The following SORCS2 variants were observed in gnomAD, a reference collection of about 807,000 sequenced individuals.
SORCS2 encodes the protein sortilin related VPS10 domain containing receptor 2.
In SORCS2, 100 loss-of-function variants were observed where a neutral mutation model predicts 141.6. The observed-to-expected ratio is 0.71, with a 90% CI of 0.60 to 0.83. SORCS2 has a LOEUF of 0.83. Among genes scored for constraint, SORCS2 ranks in the 40% least tolerant of loss-of-function variants. The probability of loss-of-function intolerance (pLI) is 0.00; values close to 1 mark genes in which losing one functional copy is unlikely to be tolerated. For missense variants in SORCS2, 1,646 were observed against 1,560.2 expected (o/e 1.05, Z -0.93); for synonymous variants, 789 against 676.9 (o/e 1.17, Z -2.57).
chr4:7,216,916 G>A (rs1728386524), intron 1 of SORCS2, among the ~76,000 whole-genome samples: 1 of 152,226 alleles, frequency 6.6e-6, no homozygotes, highest in South Asian at 2.1e-4. Flanking sequence ...CAGAAGCGGA[G>A]TGACTCTTCC....
chr4:7,523,396 C>G (rs1056835942), intron 2 of SORCS2, among the ~76,000 whole-genome samples: 2 of 152,172 alleles, frequency 1.3e-5, no homozygotes, highest in Admixed American at 1.3e-4. Context: ...CAGAGCACCT[C>G]CAAAGGAATC....
chr4:7,624,366 T>C (rs1174464221), intron 3 of SORCS2, among the ~76,000 whole-genome samples: 1 of 152,244 alleles, frequency 6.6e-6, no homozygotes, highest in East Asian at 1.9e-4. Context: ...CCTTGTCTCA[T>C]GTTTTGGCTT....
At chr4:7,407,407 A>C (rs13145868) in intron 2 of SORCS2, among the ~76,000 whole-genome samples, 2 of 152,114 alleles carry the variant, frequency 1.3e-5, no homozygotes, top group South Asian at 2.1e-4. Context: ...CTCATGGTGC[A>C]TTGACCCCTT....
intron 2 of SORCS2, among the ~76,000 whole-genome samples, chr4:7,476,103 G>A (rs1477689902): frequency 6.6e-6 from 1 of 152,192 alleles, no homozygotes; most frequent in Non-Finnish European, 1.5e-5. Context: ...ACAGGCTGGT[G>A]GGCTCAGCCA....
At chr4:7,684,446 C>T (rs1028879165) in intron 10 of SORCS2, among the ~76,000 whole-genome samples, 7 of 152,138 alleles carry the variant, frequency 4.6e-5, no homozygotes, top group African/African-American at 1.7e-4. Context: ...CCCTTTTCCT[C>T]ATCCAGCAAG....
intron 1 of SORCS2, among the ~76,000 whole-genome samples, chr4:7,325,770 C>A (rs962538701): frequency 2.0e-5 from 3 of 152,300 alleles, no homozygotes; most frequent in African/African-American, 4.8e-5. Flanking sequence ...ACCTTCCCTC[C>A]CCCCACGCCC....
chr4:7,345,479 G>A (rs1001440984), intron 1 of SORCS2, among the ~76,000 whole-genome samples: 42 of 152,240 alleles, frequency 2.8e-4, no homozygotes, highest in African/African-American at 9.6e-4. Context: ...GGGGTCTCCT[G>A]GCTTCCTCTC....
chr4:7,579,462 G>A (rs1344920930), intron 3 of SORCS2, among the ~76,000 whole-genome samples: 1 of 152,140 alleles, frequency 6.6e-6, no homozygotes, highest in Non-Finnish European at 1.5e-5. Context: ...GAGGCTCAGA[G>A]AACTGATTCT....
chr4:7,701,974 C>G (rs1725116634), intron 12 of SORCS2, among the ~76,000 whole-genome samples: 1 of 152,022 alleles, frequency 6.6e-6, no homozygotes, highest in African/African-American at 2.4e-5. Context: ...AGCCGAGCCT[C>G]CTTCCTTATC....
chr4:7,301,877 G>C (rs1173726399), intron 1 of SORCS2, among the ~76,000 whole-genome samples: 2 of 152,198 alleles, frequency 1.3e-5, no homozygotes, highest in Non-Finnish European at 2.9e-5. Flanking sequence ...CTCTTTCTTG[G>C]ATAAATCCAA....
rs184819578 is a variant in SORCS2, at chr4:7,197,735, C to T, written c.480+4609C>T. 4.9e-4 allele frequency among the ~76,000 whole-genome samples: 74 copies of T among 152,230 alleles called. No individual in the cohort carries two copies. In the East Asian group the frequency reaches 0.013, roughly 26 times the overall value. The stretch of plus-strand genomic sequence containing the variant: ...TGGAAAAAATAGATTAAAAAGTCAG[C>T]TCCCGATGGACCCCAGATGTGAGGC... On this transcript the variant is annotated intron_variant, in intron 1 of 26. Coordinates refer to ENST00000507866, the MANE Select transcript of SORCS2 (RefSeq NM_020777.3).
intron 3 of SORCS2, among the ~76,000 whole-genome samples, chr4:7,556,078 G>A: frequency 6.6e-6 from 1 of 152,224 alleles, no homozygotes; most frequent in East Asian, 1.9e-4. Flanking sequence ...TTTAAACACA[G>A]GATGCCAACG....
At chr4:7,477,261 G>A (rs1730353450) in intron 2 of SORCS2, among the ~76,000 whole-genome samples, 1 of 58,626 alleles carries the variant, frequency 1.7e-5, no homozygotes, top group South Asian at 7.0e-4. Flanking sequence ...TTCTGGCTAT[G>A]GGGACAGCTT....
chr4:7,330,129 C>T (rs560344419), intron 1 of SORCS2, among the ~76,000 whole-genome samples: 1 of 151,944 alleles, frequency 6.6e-6, no homozygotes, highest in East Asian at 2.0e-4. Flanking sequence ...CCATTGCCGC[C>T]TGTCCTGGCT....
chr4:7,465,897 T>C (rs1729590151), intron 2 of SORCS2, among the ~76,000 whole-genome samples: 1 of 152,086 alleles, frequency 6.6e-6, no homozygotes, highest in Non-Finnish European at 1.5e-5. Flanking sequence ...ATCATTCCCG[T>C]TTTGCAGATG....
intron 1 of SORCS2, among the ~76,000 whole-genome samples, chr4:7,315,938 C>T (rs752364232): frequency 2.6e-5 from 4 of 152,158 alleles, no homozygotes; most frequent in African/African-American, 7.2e-5. Context: ...TTCATCCACC[C>T]ATCCATCCTA....
chr4:7,219,045 A>G (rs1728543178), intron 1 of SORCS2, among the ~76,000 whole-genome samples: 1 of 152,116 alleles, frequency 6.6e-6, no homozygotes, highest in African/African-American at 2.4e-5. Flanking sequence ...TCTGCTTGGC[A>G]TGCACAGCTG....
At chr4:7,688,807 G>A (rs1445844773) in intron 10 of SORCS2, among the ~76,000 whole-genome samples, 1 of 152,174 alleles carries the variant, frequency 6.6e-6, no homozygotes, top group Non-Finnish European at 1.5e-5. Context: ...CCCAAGGAGG[G>A]CTCGGCCAGC....
rs1385445945 is a variant in SORCS2 at position 7,233,953 on chromosome 4, G to GA, written c.480+40828dup. Among the ~76,000 whole-genome samples the GA allele has an allele frequency of 6.6e-6, 1 of 152,172 alleles. No homozygotes were observed. The highest frequency in any genetic ancestry group is 1.5e-5 in the Non-Finnish European group (1 of 68,040). On this transcript the variant is annotated intron_variant, in intron 1 of 26. Transcript: ENST00000507866. The surrounding 1 kb of genome is among the most constrained non-coding windows in gnomAD (Gnocchi z 4.5). ...AGGAGGCTGTTGGGCTCAGGAGCAA[G>GA]ATGGAAAGGGGGTGGGGGAGGACCG... is the stretch of plus-strand genomic sequence containing the variant.
Sources: gnomAD v4.1 joint callset for allele counts (sites outside exome capture counted in the v4.1 genomes callset) on GRCh38, gnomAD v4.1.1 for gene constraint, Gnocchi (gnomAD v3.1) non-coding constraint, MANE v1.5 for transcripts, NCBI Gene and HGNC (gene_info 2026-07-23, HGNC 2026-07-21) for gene names.